DOCK2: variants seen among roughly 807,000 people sequenced by gnomAD.
DOCK2 encodes dedicator of cytokinesis protein 2.
A neutral mutation model predicts 248.9 loss-of-function variants in DOCK2; 87 were observed. The observed-to-expected ratio is 0.35, with a 90% CI of 0.29 to 0.42. DOCK2 has a LOEUF of 0.42. Ranked by LOEUF, DOCK2 falls within the 10% of genes least tolerant of loss-of-function variation. DOCK2 has a pLI of 1.00. For synonymous variants in DOCK2, 805 were observed against 821.6 expected (o/e 0.98, Z 0.35); for missense variants, 1,747 against 2,300.2 (o/e 0.76, Z 4.92).
intron 27 of DOCK2, among the ~76,000 whole-genome samples, chr5:169,921,670 G>A (rs1225122927): frequency 6.6e-6 from 1 of 152,204 alleles, no homozygotes; most frequent in East Asian, 1.9e-4. Flanking sequence ...GAGCTGTGGA[G>A]AGGAGCACTT....
intron 25 of DOCK2, among the ~76,000 whole-genome samples, chr5:169,766,623 C>T (rs1309169131): frequency 1.3e-5 from 2 of 152,102 alleles, no homozygotes; most frequent in East Asian, 1.9e-4. Flanking sequence ...ATTCCTGGGT[C>T]GAGGGGTAGT....
intron 41 of DOCK2, among the ~76,000 whole-genome samples, chr5:170,052,481 C>T (rs1343845403): frequency 6.6e-6 from 1 of 152,164 alleles, no homozygotes; most frequent in East Asian, 1.9e-4. Context: ...AGGGGAAGGG[C>T]TAATATTTGC....
intron 2 of DOCK2, among the ~76,000 whole-genome samples, chr5:169,656,278 G>C (rs2113194102): frequency 6.6e-6 from 1 of 152,054 alleles, no homozygotes; most frequent in East Asian, 1.9e-4. Flanking sequence ...TGAGGAAATG[G>C]AGGCAGTGAA....
chr5:169,939,660 G>T (rs987833215), intron 27 of DOCK2, among the ~76,000 whole-genome samples: 1 of 152,168 alleles, frequency 6.6e-6, no homozygotes, highest in Non-Finnish European at 1.5e-5. Flanking sequence ...CCACTAGGAG[G>T]TAGGAATTTT....
chr5:169,767,919 A>G (rs544167065), intron 25 of DOCK2, among the ~76,000 whole-genome samples: 46 of 152,344 alleles, frequency 3.0e-4, no homozygotes, highest in African/African-American at 1.1e-3. Context: ...AATATTTTGG[A>G]CTATGTGATG....
At chr5:169,913,782 A>T (rs1260041865) in intron 27 of DOCK2, among the ~76,000 whole-genome samples, 1 of 152,190 alleles carries the variant, frequency 6.6e-6, no homozygotes. Context: ...CTTATTTTTG[A>T]TCAATGAGGA....
chr5:170,077,197 G>A (rs1422626501), intron 47 of DOCK2, among the ~76,000 whole-genome samples: 1 of 152,196 alleles, frequency 6.6e-6, no homozygotes, highest in African/African-American at 2.4e-5. Context: ...ATTGATGTAT[G>A]ATTACCAGCC....
rs944503145 is a variant in DOCK2 at position 170,057,574 on chromosome 5, G to T, written c.4381-6G>T. On this transcript the variant is annotated splice_polypyrimidine_tract_variant and splice_region_variant and intron_variant, in intron 43 of 51. Coordinates refer to ENST00000520908, the MANE Select transcript of DOCK2 (RefSeq NM_004946.3). ...CTGCCCTTGCCACCCCTCTGCCCAC[G>T]GACAGTCCATGTGGATTGAGAGAAC... 2.5e-6 allele frequency: 4 copies of T among 1,613,538 alleles called. No homozygotes were observed. The highest frequency in any genetic ancestry group is 1.3e-5 in the African/African-American group (1 of 74,888).
chr5:170,060,199 G>T (rs368924035), intron 44 of DOCK2, among the ~76,000 whole-genome samples: 2 of 152,156 alleles, frequency 1.3e-5, no homozygotes, highest in East Asian at 1.9e-4. Context: ...TTTACAAGGA[G>T]CCCTGATCTA....
intron 2 of DOCK2, among the ~76,000 whole-genome samples, chr5:169,663,268 G>A (rs1294057904): frequency 2.0e-5 from 3 of 152,214 alleles, no homozygotes; most frequent in African/African-American, 7.2e-5. Context: ...TCCCTCTGTG[G>A]CATTGCAGGG....
chr5:169,926,080 T>G (rs1410528971), intron 27 of DOCK2, among the ~76,000 whole-genome samples: 1 of 152,126 alleles, frequency 6.6e-6, no homozygotes, highest in Non-Finnish European at 1.5e-5. Flanking sequence ...GAAAAGAGAA[T>G]TTCTCTCTTA....
intron 7 of DOCK2, 81 bp from the exon 8 acceptor site, chr5:169,684,115 T>C: frequency 5.8e-6 from 9 of 1,553,918 alleles, no homozygotes; most frequent in Non-Finnish European, 7.9e-6. Context: ...GAACCCAATA[T>C]CCTTGACTAT....
At chr5:170,077,674 G>A (rs923986730) in intron 47 of DOCK2, 36 bp from the exon 48 acceptor site, 1 of 1,610,978 alleles carries the variant, frequency 6.2e-7, no homozygotes, top group African/African-American at 1.3e-5. Flanking sequence ...CCTTCCCCAG[G>A]CTACAGCTGC....
intron 35 of DOCK2, 146 bp downstream of exon 35, chr5:170,034,701 G>A (rs1009430865): frequency 1.7e-5 from 20 of 1,146,764 alleles, no homozygotes; most frequent in African/African-American, 4.7e-5. Context: ...CGTCTGCTGC[G>A]CTTTCTGCTA....
intron 36 of DOCK2, among the ~76,000 whole-genome samples, chr5:170,040,081 C>T (rs1756463882): frequency 6.6e-6 from 1 of 152,184 alleles, no homozygotes; most frequent in Non-Finnish European, 1.5e-5. Flanking sequence ...ACTTTCAGTG[C>T]ATACTTGCAT....
At chr5:170,077,872 C>T (rs1277210235) in intron 48 of DOCK2, 35 bp downstream of exon 48, 7 of 1,597,056 alleles carry the variant, frequency 4.4e-6, no homozygotes, top group Non-Finnish European at 5.1e-6. Context: ...CCCCCACACC[C>T]CTGCCTCCCT....
intron 27 of DOCK2, chr5:169,841,314 T>G: frequency 2.0e-6 from 2 of 992,400 alleles, no homozygotes; most frequent in Non-Finnish European, 2.4e-6. Flanking sequence ...TACTACATAT[T>G]GAGCTATTCT....
At chr5:169,841,533 C>A in intron 27 of DOCK2, 1 of 830,516 alleles carries the variant, frequency 1.2e-6, no homozygotes, top group Non-Finnish European at 1.5e-6. Context: ...TGAAACCTGC[C>A]AATGGTTGTC....
At position 169,833,701 on chromosome 5, in the gene DOCK2, C is replaced by T. The variant is rs972287378; in HGVS notation, c.2704-7056C>T. On this transcript the variant is annotated intron_variant, in intron 26 of 51. Coordinates refer to ENST00000520908, the MANE Select transcript of DOCK2 (RefSeq NM_004946.3). ...CGAAAGTGTGGGCAGTGATACCTTACTCAAAAGCAGGTTTCAATCAAAGTG... is the reference window on the plus strand; with the variant it reads ...CGAAAGTGTGGGCAGTGATACCTTATTCAAAAGCAGGTTTCAATCAAAGTG... 1.4e-4 allele frequency among the ~76,000 whole-genome samples: 21 copies of T among 152,154 alleles called. 1 individual carries two copies. Among genetic ancestry groups the T allele is most frequent in the African/African-American group, 4.8e-4 (20 of 41,426 alleles).
Sources: gnomAD v4.1 joint callset for allele counts (sites outside exome capture counted in the v4.1 genomes callset) on GRCh38, gnomAD v4.1.1 for gene constraint, MANE v1.5 for transcripts, NCBI Gene and HGNC (gene_info 2026-07-23, HGNC 2026-07-21) for gene names.